The following STK32B variants were observed in gnomAD, a reference collection of about 807,000 sequenced individuals.
STK32B encodes the protein serine/threonine-protein kinase 32B.
A neutral mutation model predicts 52.6 loss-of-function variants in STK32B; 43 were observed. That is an observed-to-expected ratio of 0.82 (90% confidence interval 0.64 to 1.05). STK32B has a LOEUF of 1.05. Among genes scored for constraint, STK32B ranks in the 50% least tolerant of loss-of-function variants. STK32B has a pLI of 0.00. For missense variants in STK32B, 621 were observed against 534.6 expected (o/e 1.16, Z -1.59); for synonymous variants, 238 against 204.3 (o/e 1.17, Z -1.41).
intron 1 of STK32B, among the ~76,000 whole-genome samples, chr4:5,061,967 T>C (rs531156956): frequency 1.9e-4 from 29 of 152,350 alleles, no homozygotes; most frequent in African/African-American, 7.0e-4. Flanking sequence ...CTTCCCTTGA[T>C]AGCTCTGTAA....
chr4:5,449,722 G>A (rs1470243828), intron 7 of STK32B, among the ~76,000 whole-genome samples: 2 of 152,200 alleles, frequency 1.3e-5, no homozygotes, highest in African/African-American at 2.4e-5. Flanking sequence ...TCCACCTCCT[G>A]TCAGGTCAGC....
chr4:5,339,110 G>A (rs979247309), intron 4 of STK32B, among the ~76,000 whole-genome samples: 5 of 152,108 alleles, frequency 3.3e-5, no homozygotes, highest in Non-Finnish European at 7.3e-5. Flanking sequence ...ACTGCTCCAG[G>A]TTTTTGGGCT....
At chr4:5,374,681 G>A (rs546973695) in intron 4 of STK32B, among the ~76,000 whole-genome samples, 11 of 151,926 alleles carry the variant, frequency 7.2e-5, no homozygotes, top group East Asian at 3.9e-4. Flanking sequence ...ATCCATTCAC[G>A]AGGGTGGAGT....
Position 5,173,464 on chromosome 4 carries a change from C to G in STK32B, c.260+5014C>G, listed in dbSNP as rs1309766533. Among the ~76,000 whole-genome samples, 3 of 152,184 alleles carry G rather than the reference C, an allele frequency of 2.0e-5. No homozygotes were observed. The East Asian group carries it at 5.8e-4, about 29-fold the overall frequency. The stretch of plus-strand genomic sequence containing the variant: ...TTAGTGCTATAAATTTGCCTCTACA[C>G]ACTGCTTTGAATGTGTCCCAGAGAT... On this transcript the variant is annotated intron_variant, in intron 3 of 11. Transcript: ENST00000282908.
At chr4:5,397,977 G>GA (rs372030909) in intron 4 of STK32B, among the ~76,000 whole-genome samples, 11 of 152,154 alleles carry the variant, frequency 7.2e-5, no homozygotes, top group Admixed American at 2.0e-4. Flanking sequence ...GAATATTCAG[G>GA]AAAAAATATT....
intron 3 of STK32B, among the ~76,000 whole-genome samples, chr4:5,262,869 T>C (rs28408444): frequency 0.19 from 29,257 of 151,984 alleles, 5,723 homozygotes; most frequent in African/African-American, 0.5. Context: ...TTTGCTATTT[T>C]ATATGTATTT....
chr4:5,372,324 C>T (rs192426901), intron 4 of STK32B, among the ~76,000 whole-genome samples: 27 of 152,254 alleles, frequency 1.8e-4, no homozygotes, highest in Non-Finnish European at 2.9e-5. Context: ...CTGGGTACTT[C>T]CCTGGGTCCT....
chr4:5,097,599 G>T (rs1360849636), intron 1 of STK32B, among the ~76,000 whole-genome samples: 1 of 152,182 alleles, frequency 6.6e-6, no homozygotes, highest in African/African-American at 2.4e-5. Context: ...CAGAAGCTTG[G>T]TTCTTTTCAT....
At chr4:5,350,119 A>G (rs529336403) in intron 4 of STK32B, among the ~76,000 whole-genome samples, 1 of 152,306 alleles carries the variant, frequency 6.6e-6, no homozygotes, top group African/African-American at 2.4e-5. Context: ...CAAGAAGTTC[A>G]AAGGTCCTGG....
intron 7 of STK32B, among the ~76,000 whole-genome samples, chr4:5,452,627 C>G (rs1716110698): frequency 6.6e-6 from 1 of 152,018 alleles, no homozygotes; most frequent in Non-Finnish European, 1.5e-5. Context: ...TCACTTTCAT[C>G]TGTTCTGTGT....
At chr4:5,382,439 G>T (rs1735993128) in intron 4 of STK32B, among the ~76,000 whole-genome samples, 2 of 152,026 alleles carry the variant, frequency 1.3e-5, no homozygotes, top group South Asian at 4.1e-4. Context: ...TCGCCTTGGG[G>T]TCATCTGCAT....
chr4:5,039,259 A>C, the STK32B span, among the ~76,000 whole-genome samples: 2 of 152,200 alleles, frequency 1.3e-5, no homozygotes, highest in Non-Finnish European at 2.9e-5. Context: ...TCAGCCTTCC[A>C]AAGTGTTGGG....
At chr4:5,428,975 T>G (rs532325805) in intron 6 of STK32B, among the ~76,000 whole-genome samples, 1 of 152,336 alleles carries the variant, frequency 6.6e-6, no homozygotes. Context: ...CAGCTAGTTC[T>G]CTGGTAAAGA....
intron 1 of STK32B, among the ~76,000 whole-genome samples, chr4:5,096,145 G>T (rs6835906): frequency 0.94 from 143,546 of 152,246 alleles, 68,238 homozygotes; most frequent in East Asian, 1. Context: ...TTTTCCACAG[G>T]GAGCATGTGC....
At chr4:5,344,285 A>C (rs76311616) in intron 4 of STK32B, among the ~76,000 whole-genome samples, 4,018 of 152,246 alleles carry the variant, frequency 0.026, 159 homozygotes, top group African/African-American at 0.089. Context: ...TTTTGATTAA[A>C]ATTTTTACCA....
chr4:5,135,185 TATTC>T (rs1490888709), intron 1 of STK32B, among the ~76,000 whole-genome samples: 1 of 152,248 alleles, frequency 6.6e-6, no homozygotes, highest in Admixed American at 6.5e-5. Context: ...CATAGAATAA[TATTC>T]ATAGCAATAC....
chr4:5,278,505 A>G (rs190636629), intron 3 of STK32B, among the ~76,000 whole-genome samples: 5 of 152,316 alleles, frequency 3.3e-5, no homozygotes, highest in African/African-American at 1.2e-4. Context: ...AGAGTCAACT[A>G]GAACAACAAC....
intron 4 of STK32B, among the ~76,000 whole-genome samples, chr4:5,379,494 T>C (rs1020625048): frequency 6.6e-6 from 1 of 151,908 alleles, no homozygotes; most frequent in South Asian, 2.1e-4. Context: ...TGTGAGAGAG[T>C]GCTATGGGAT....
At chr4:5,308,379 G>A (rs1482595419) in intron 3 of STK32B, among the ~76,000 whole-genome samples, 6 of 152,168 alleles carry the variant, frequency 3.9e-5, no homozygotes. Context: ...GAAGCTGCAA[G>A]TTAGTCCTGC....
Sources: allele counts gnomAD v4.1 joint callset (sites outside exome capture counted in the v4.1 genomes callset), GRCh38; gene constraint gnomAD v4.1.1; transcripts MANE v1.5; gene names NCBI Gene and HGNC (gene_info 2026-07-23, HGNC 2026-07-21).